FMN1: variants seen among roughly 807,000 people sequenced by gnomAD.
FMN1 encodes the protein formin-1.
Under a neutral mutation model 132.4 loss-of-function variants are expected in FMN1, and 110 were observed. The observed-to-expected ratio is 0.83, with a 90% CI of 0.71 to 0.97. The LOEUF (loss-of-function observed/expected upper bound fraction) is 0.97, where lower values mean the gene tolerates loss of function less well. FMN1 is among the 50% of genes least tolerant of loss of function. The probability of loss-of-function intolerance (pLI) is 0.00; values close to 1 mark genes in which losing one functional copy is unlikely to be tolerated. For missense variants in FMN1, 1,792 were observed against 1,705.3 expected, an observed-to-expected ratio of 1.05 and a Z score of -0.90; for synonymous variants, 722 against 651.7, an observed-to-expected ratio of 1.11 and a Z score of -1.64.
chr15:32,948,452 C>T (rs540439966), intron 9 of FMN1, among the ~76,000 whole-genome samples: 1 of 151,916 alleles, frequency 6.6e-6, no homozygotes, highest in East Asian at 1.9e-4. Flanking sequence ...ATATTATTTT[C>T]TATTATCTAA....
chr15:32,955,817 G>A (rs1048805022), intron 9 of FMN1, among the ~76,000 whole-genome samples: 3 of 151,592 alleles, frequency 2.0e-5, no homozygotes, highest in Non-Finnish European at 2.9e-5. Context: ...GTGCGTGTGT[G>A]TGTGTGTGTG....
chr15:32,851,075 A>G (rs1249700063), intron 17 of FMN1, among the ~76,000 whole-genome samples: 1 of 151,550 alleles, frequency 6.6e-6, no homozygotes, highest in Non-Finnish European at 1.5e-5. Context: ...AAGACAAAAC[A>G]AAACAAAACA....
intron 7 of FMN1, among the ~76,000 whole-genome samples, chr15:33,003,982 G>A (rs2034264144): frequency 6.6e-6 from 1 of 151,718 alleles, no homozygotes; most frequent in Admixed American, 6.6e-5. Flanking sequence ...GGGAAAACTG[G>A]CTAGCCATAC....
intron 6 of FMN1, among the ~76,000 whole-genome samples, chr15:33,016,378 T>C (rs1050386980): frequency 6.6e-6 from 1 of 152,240 alleles, no homozygotes; most frequent in African/African-American, 2.4e-5. Flanking sequence ...TGAGCTTTCA[T>C]ATTTAATAAG....
chr15:33,035,327 T>C (rs1201043295), intron 6 of FMN1, among the ~76,000 whole-genome samples: 1 of 152,216 alleles, frequency 6.6e-6, no homozygotes, highest in African/African-American at 2.4e-5. Flanking sequence ...AAATGCTAAA[T>C]TTTAGTTAGC....
At position 32,804,310 on chromosome 15, in the gene FMN1, T is replaced by C. The variant is rs1293279848; in HGVS notation, c.3951A>G (p.Glu1317=). The part of the protein sequence containing the change: ...FQKAKKEHKM[E]ESHLENAQKS... Reference sequence around the variant, plus strand: ...TCTGTGCATTCTCCAAGTGACTTTCTTCCATCTTATGCTCTTTTTTGGCTG... The same window carrying C: ...TCTGTGCATTCTCCAAGTGACTTTCCTCCATCTTATGCTCTTTTTTGGCTG... Residue 1317 remains glutamate, a synonymous_variant, in exon 18 of 21, where the codon GAA becomes GAG. Coordinates refer to ENST00000616417, the MANE Select transcript of FMN1 (RefSeq NM_001277313.2). 1 of 1,567,474 alleles carries C rather than the reference T, an allele frequency of 6.4e-7. No homozygotes were observed.
At position 32,859,737 on chromosome 15, in the gene FMN1, A is replaced by G. The variant is rs80255148; in HGVS notation, c.3836-2630T>C. Among the ~76,000 whole-genome samples, 326 of 152,334 alleles carry G rather than the reference A, an allele frequency of 2.1e-3. 2 individuals are homozygous for G. Among genetic ancestry groups the G allele is most frequent in the African/African-American group, 7.3e-3 (304 of 41,568 alleles). On this transcript the variant is annotated intron_variant, in intron 16 of 20. Coordinates refer to ENST00000616417, the MANE Select transcript of FMN1 (RefSeq NM_001277313.2). ...AGAGCTCCATGTATCTGGCGAAAGC[A>G]TCAGATTTCCTTATCTTGGCTGAAT...
rs1168655684 is a variant in FMN1, at chr15:33,153,236, C to T, written c.1679G>A (p.Arg560His). ...ALNDSPCRKS[R>H]VFSGCVSADT... Reference sequence around the variant, plus strand: ...AGCAGAGACGCACCCAGAGAAGACACGGCTCTTTCTACAAGGAGAGTCATT... The same window carrying T: ...AGCAGAGACGCACCCAGAGAAGACATGGCTCTTTCTACAAGGAGAGTCATT... The change falls in exon 4 of 21, where the codon CGT becomes CAT. Residue 560 changes from arginine (R) to histidine (H), a missense_variant. Physicochemically the swap from Arg to His is conservative, Grantham distance 29. Around this residue, in one of 3 missense-constraint regions of FMN1, gnomAD observed 1,150 missense variants for 1,043.1 expected, o/e 1.10. Transcript: ENST00000616417. The T allele has an allele frequency of 1.4e-5, 22 of 1,535,988 alleles. No individual in the cohort carries two copies. The highest frequency in any genetic ancestry group is 5.5e-5 in the African/African-American group (4 of 73,028).
At chr15:32,859,820 T>G (rs1431678983) in intron 16 of FMN1, among the ~76,000 whole-genome samples, 2 of 152,268 alleles carry the variant, frequency 1.3e-5, no homozygotes, top group East Asian at 3.9e-4. Flanking sequence ...GAGGATCACT[T>G]GAGGCCAGGA....
At chr15:33,097,943 A>G (rs1306534526) in intron 4 of FMN1, among the ~76,000 whole-genome samples, 1 of 152,266 alleles carries the variant, frequency 6.6e-6, no homozygotes, top group African/African-American at 2.4e-5. Flanking sequence ...CAGTAACTGT[A>G]GAATATGTAT....
chr15:32,767,039 G>A lies in FMN1; in HGVS notation c.*7271C>T, dbSNP rs2056072510. 6.6e-6 allele frequency: 1 copy of A among 152,094 alleles called. No individual in the cohort carries two copies. The highest frequency in any genetic ancestry group is 2.4e-5 in the African/African-American group (1 of 41,394). 9.4% of individuals were successfully genotyped at this position (152,094 alleles called of 1,614,324 possible). On this transcript the variant is annotated 3_prime_UTR_variant, in exon 21 of 21. Transcript: ENST00000616417. Reference sequence around the variant, plus strand: ...GGGGTACCTGCTTTCCCAGTACATTGGCACTGATCAATACAAGATCAAGGG... The same window carrying A: ...GGGGTACCTGCTTTCCCAGTACATTAGCACTGATCAATACAAGATCAAGGG...
At chr15:33,044,742 G>T (rs1424465545) in intron 6 of FMN1, among the ~76,000 whole-genome samples, 2 of 152,210 alleles carry the variant, frequency 1.3e-5, no homozygotes, top group South Asian at 4.2e-4. Context: ...ACACCCAAGG[G>T]TCTTCTCTCT....
intron 9 of FMN1, among the ~76,000 whole-genome samples, chr15:32,957,642 T>C (rs2029966415): frequency 6.6e-6 from 1 of 152,152 alleles, no homozygotes; most frequent in East Asian, 1.9e-4. Context: ...TTAAAAACCT[T>C]GGGAATCAAA....
Position 33,154,862 on chromosome 15 carries a change from C to T in FMN1, c.53G>A (p.Cys18Tyr). The T allele has an allele frequency of 2.0e-6, 3 of 1,536,226 alleles. No homozygotes were observed. In the East Asian group the frequency reaches 7.3e-5, roughly 38 times the overall value. ...LQLHKPITEL[C>Y]YISFCLPKGE... is the part of the protein sequence containing the mutation. ...CTTTGGAAGACAGAAGCTGATGTAG[C>T]AGAGTTCCGTAATGGGCTTATGCAA... Residue 18 changes from cysteine to tyrosine, a missense_variant, in exon 4 of 21, where the codon TGC becomes TAC. Physicochemically the swap from Cys to Tyr is radical, Grantham distance 194. This residue lies in a region of FMN1 where 638 missense variants were observed against 645.2 expected (regional missense o/e 0.99). Coordinates refer to ENST00000616417, the MANE Select transcript of FMN1 (RefSeq NM_001277313.2).
At chr15:32,976,380 C>T (rs74012418) in intron 7 of FMN1, among the ~76,000 whole-genome samples, 3,365 of 152,128 alleles carry the variant, frequency 0.022, 120 homozygotes, top group African/African-American at 0.074. Flanking sequence ...AAGGAGATGG[C>T]GATTCTATGG....
chr15:33,031,755 ACAT>A (rs1176811701), intron 6 of FMN1, among the ~76,000 whole-genome samples: 19 of 152,326 alleles, frequency 1.2e-4, no homozygotes, highest in African/African-American at 4.3e-4. Flanking sequence ...CATGAAATTC[ACAT>A]ATTCCCACTG....
chr15:32,847,995 C>A (rs1191889552), intron 17 of FMN1, among the ~76,000 whole-genome samples: 2 of 152,070 alleles, frequency 1.3e-5, no homozygotes, highest in Non-Finnish European at 2.9e-5. Flanking sequence ...AAAGGATGGT[C>A]TGTGTCGGGG....
rs535880619 is a variant in FMN1, at chr15:33,049,333, A to C, written c.2161+15624T>G. 7.9e-5 allele frequency among the ~76,000 whole-genome samples: 12 copies of C among 152,346 alleles called. No individual in the cohort carries two copies. In the South Asian group the frequency reaches 2.5e-3, roughly 32 times the overall value. On this transcript the variant is annotated intron_variant, in intron 6 of 20. Coordinates refer to ENST00000616417, the MANE Select transcript of FMN1 (RefSeq NM_001277313.2). ...CACTTGTGGTAAATGTGACATTATC[A>C]AACTGAGACTTTAAGGAAACACATA...
At chr15:32,956,473 G>A (rs1013888210) in intron 9 of FMN1, among the ~76,000 whole-genome samples, 2 of 151,888 alleles carry the variant, frequency 1.3e-5, no homozygotes, top group African/African-American at 2.4e-5. Context: ...GCCTGTCATG[G>A]AGCTCCTGTT....
Sources: allele counts gnomAD v4.1 joint callset (sites outside exome capture counted in the v4.1 genomes callset), GRCh38; gene constraint gnomAD v4.1.1; regional missense constraint gnomAD v4.1.1; transcripts MANE v1.5; gene names NCBI Gene and HGNC (gene_info 2026-07-23, HGNC 2026-07-21).